Variants in SUPT5H observed in about 807,000 individuals in gnomAD.
SUPT5H encodes the protein SPT5 homolog, DSIF elongation factor subunit.
SUPT5H carries 24 observed loss-of-function variants against 142.5 expected under a neutral mutation model. The ratio of observed to expected loss-of-function variants is 0.17; its 90% CI spans 0.12 to 0.24. SUPT5H has a LOEUF of 0.24. Ranked by LOEUF, SUPT5H falls within the 10% of genes least tolerant of loss-of-function variation. The pLI, the probability that SUPT5H is intolerant of heterozygous loss-of-function variation, is 1.00. For synonymous variants in SUPT5H, 546 were observed against 553.0 expected (o/e 0.99, Z 0.18); for missense variants, 893 against 1,471.8 (o/e 0.61, Z 6.43).
intron 2 of SUPT5H, among the ~76,000 whole-genome samples, chr19:39,447,968 T>C (rs909123231): frequency 2.0e-5 from 3 of 152,214 alleles, no homozygotes; most frequent in African/African-American, 7.2e-5. Context: ...GAGGGAGATT[T>C]AACATAAAGA....
In SUPT5H at chr19:39,474,006, C is replaced by G. The variant is rs1446234403; in HGVS notation, c.2536C>G (p.Pro846Ala). The G allele has an allele frequency of 1.2e-6, 2 of 1,613,938 alleles. No individual in the cohort carries two copies. The highest frequency in any genetic ancestry group is 4.5e-5 in the East Asian group (2 of 44,886). ...GTATGCTTTCGATGATGAGCCCACC[C>G]CGTCCCCGCAGGCCTATGGGGGAAC... is the stretch of plus-strand genomic sequence containing the variant. ...YEYAFDDEPTPSPQAYGGTPN... is the reference protein window; with the variant it reads ...YEYAFDDEPTASPQAYGGTPN... The change falls in exon 26 of 30, where the codon CCG (proline) becomes GCG (alanine). Residue 846 changes from proline to alanine, a missense_variant. By Grantham distance (27) the Pro-to-Ala change is conservative. Coordinates refer to ENST00000432763, the MANE Select transcript of SUPT5H (RefSeq NM_001111020.3). The surrounding 1 kb of genome is among the most constrained non-coding windows in gnomAD (Gnocchi z 6.5).
In SUPT5H at chr19:39,466,644, C is replaced by T. The variant is rs1242809931; in HGVS notation, c.967-31C>T. The T allele has an allele frequency of 2.5e-6, 4 of 1,613,508 alleles. No individual in the cohort carries two copies. The highest frequency in any genetic ancestry group is 3.4e-6 in the Non-Finnish European group (4 of 1,179,414). ...ACTGGTGGCCAAGCCCCCTCCCTCA[C>T]CCTTCCCACCCATGCCCCTTTCCTC... On this transcript the variant is annotated intron_variant, in intron 12 of 29. Coordinates refer to ENST00000432763, the MANE Select transcript of SUPT5H (RefSeq NM_001111020.3). This position sits in a 1 kb window ranked among gnomAD's most constrained non-coding sequence, Gnocchi z 4.3.
chr19:39,446,131 A>G (rs2078950449), intron 2 of SUPT5H, among the ~76,000 whole-genome samples, 166 bp downstream of exon 2: 1 of 152,180 alleles, frequency 6.6e-6, no homozygotes, highest in Admixed American at 6.5e-5. Flanking sequence ...AAGCAAAGGG[A>G]CAGGTTCTGG....
intron 3 of SUPT5H, among the ~76,000 whole-genome samples, chr19:39,456,138 A>T (rs577812685): frequency 3.1e-4 from 47 of 151,582 alleles, no homozygotes; most frequent in African/African-American, 1.1e-3. Flanking sequence ...GCTGGTCTCG[A>T]ACTCCTGACC....
chr19:39,451,734 A>G (rs1005123450), intron 2 of SUPT5H, among the ~76,000 whole-genome samples: 2 of 151,988 alleles, frequency 1.3e-5, no homozygotes, highest in Non-Finnish European at 2.9e-5. Context: ...GTTTCACCAC[A>G]TTGGCTAGGC....
chr19:39,449,781 A>G (rs2078997929), intron 2 of SUPT5H, among the ~76,000 whole-genome samples: 1 of 151,632 alleles, frequency 6.6e-6, no homozygotes, highest in Non-Finnish European at 1.5e-5. Context: ...CTGGGATTAC[A>G]GCGGTGCGCC....
In SUPT5H at chr19:39,473,940, T is replaced by C; in HGVS notation, c.2493-23T>C. ...CATCGCATTATCACCACAGTCGCTG[T>C]CAACAGACTTTTCTCCCAACAGGGC... On this transcript the variant is annotated intron_variant, in intron 25 of 29. Transcript: ENST00000432763. This position sits in a 1 kb window ranked among gnomAD's most constrained non-coding sequence, Gnocchi z 5.8. 2 of 1,613,696 alleles carry C rather than the reference T, an allele frequency of 1.2e-6. No individual in the cohort carries two copies. Among genetic ancestry groups the C allele is most frequent in the Non-Finnish European group, 1.7e-6 (2 of 1,179,948 alleles).
Position 39,458,367 on chromosome 19 carries a change from CT to C in SUPT5H, c.319+63del. 1 of 1,605,654 alleles carries C rather than the reference CT, an allele frequency of 6.2e-7. No individual in the cohort carries two copies. Among genetic ancestry groups the C allele is most frequent in the East Asian group, 2.2e-5 (1 of 44,816 alleles). Reference sequence around the variant, plus strand: ...CCCATATCCTGACATTTCCTCCTTCCTGAGGCACCTGCCCTCACCGGTAGCC... The same window carrying C: ...CCCATATCCTGACATTTCCTCCTTCCGAGGCACCTGCCCTCACCGGTAGCC... On this transcript the variant is annotated intron_variant, in intron 5 of 29. Coordinates refer to ENST00000432763, the MANE Select transcript of SUPT5H (RefSeq NM_001111020.3). The surrounding 1 kb of genome is among the most constrained non-coding windows in gnomAD (Gnocchi z 4.2).
At chr19:39,456,766 C>G (rs2079096253) in intron 3 of SUPT5H, among the ~76,000 whole-genome samples, 1 of 152,040 alleles carries the variant, frequency 6.6e-6, no homozygotes, top group African/African-American at 2.4e-5. Flanking sequence ...ACTATGTTGC[C>G]CAGGCCGGTT....
rs756476690 is a variant in SUPT5H, at chr19:39,469,365, G to A, written c.1341G>A (p.Lys447=). ...AGATCCTCAGCGTGGATGGCAACAAGATCACCATCATGCCCAAGCATGAGG... is the reference window on the plus strand; with the variant it reads ...AGATCCTCAGCGTGGATGGCAACAAAATCACCATCATGCCCAAGCATGAGG... ...QGKILSVDGN[K]ITIMPKHEDL... Residue 447 remains lysine, a synonymous_variant, in exon 16 of 30, where the codon AAG becomes AAA. Transcript: ENST00000432763. The surrounding 1 kb of genome is among the most constrained non-coding windows in gnomAD (Gnocchi z 5.1). The A allele has an allele frequency of 4.3e-6, 7 of 1,614,258 alleles. No homozygotes were observed. In the Admixed American group the frequency reaches 1.2e-4, roughly 27 times the overall value.
At position 39,472,352 on chromosome 19, in the gene SUPT5H, G is replaced by C; in HGVS notation, c.1951-57G>C. 1.3e-6 allele frequency: 2 copies of C among 1,554,856 alleles called. No individual in the cohort carries two copies. Among genetic ancestry groups the C allele is most frequent in the Non-Finnish European group, 1.8e-6 (2 of 1,128,082 alleles). On this transcript the variant is annotated intron_variant, in intron 20 of 29. Transcript: ENST00000432763. This position sits in a 1 kb window ranked among gnomAD's most constrained non-coding sequence, Gnocchi z 4.2. ...CCTGCACGTGGGATGATGAGTTCCT[G>C]TGGTTTGTGGTTCCCCCATCCCCTG...
chr19:39,472,284 A>C lies in SUPT5H; in HGVS notation c.1951-125A>C. On this transcript the variant is annotated intron_variant, in intron 20 of 29. Coordinates refer to ENST00000432763, the MANE Select transcript of SUPT5H (RefSeq NM_001111020.3). This position sits in a 1 kb window ranked among gnomAD's most constrained non-coding sequence, Gnocchi z 4.2. The stretch of plus-strand genomic sequence containing the variant: ...GTGCAGGACCAGCTGTCACAGAGGA[A>C]TTCAGGCCTGGGGTGTGGGTGGCTG... The C allele has an allele frequency of 7.1e-6, 6 of 843,860 alleles. No individual in the cohort carries two copies. Among genetic ancestry groups the C allele is most frequent in the Non-Finnish European group, 1.2e-5 (6 of 508,998 alleles). 52.3% of individuals were successfully genotyped at this position (843,860 alleles called of 1,614,324 possible). A position where few individuals can be genotyped will look rare whatever the true frequency, so the allele number is the denominator to read the frequency against.
At position 39,474,982 on chromosome 19, in the gene SUPT5H, GGTGA is replaced by G; in HGVS notation, c.3024+271_3024+274del. ...GGAGTAAGCTAAGGAAAGTGACTGGGGTGAGTGAGTTCCAAATGGAGGGAACTGC... is the reference window on the plus strand; with the variant it reads ...GGAGTAAGCTAAGGAAAGTGACTGGGGTGAGTTCCAAATGGAGGGAACTGC... On this transcript the variant is annotated intron_variant, in intron 28 of 29. Coordinates refer to ENST00000432763, the MANE Select transcript of SUPT5H (RefSeq NM_001111020.3). This position sits in a 1 kb window ranked among gnomAD's most constrained non-coding sequence, Gnocchi z 6.5. The G allele has an allele frequency of 3.7e-6, 2 of 547,102 alleles. No homozygotes were observed. Among genetic ancestry groups the G allele is most frequent in the Middle Eastern group, 5.0e-4 (1 of 2,008 alleles). The allele number at this position is 547,102 out of a possible 1,614,324, so 33.9% of individuals were successfully genotyped here.
At chr19:39,457,452 G>A (rs1353765599) in intron 3 of SUPT5H, among the ~76,000 whole-genome samples, 1 of 152,126 alleles carries the variant, frequency 6.6e-6, no homozygotes, top group East Asian at 1.9e-4. Context: ...TAAGGAGAGG[G>A]GATGACTTTT....
intron 2 of SUPT5H, among the ~76,000 whole-genome samples, chr19:39,452,134 C>T (rs1447495431): frequency 1.3e-5 from 2 of 151,948 alleles, no homozygotes; most frequent in Non-Finnish European, 2.9e-5. Flanking sequence ...TGGTGCCTGT[C>T]GGTAATTGGA....
rs753563985 is a variant in SUPT5H at position 39,474,644 on chromosome 19, A to G, written c.2950A>G (p.Ile984Val). 6.2e-7 allele frequency: 1 copy of G among 1,614,172 alleles called. No homozygotes were observed. Among genetic ancestry groups the G allele is most frequent in the Non-Finnish European group, 8.5e-7 (1 of 1,180,036 alleles). The change falls in exon 28 of 30, where the codon ATT becomes GTT. Residue 984 changes from isoleucine (I) to valine (V), a missense_variant. Coordinates refer to ENST00000432763, the MANE Select transcript of SUPT5H (RefSeq NM_001111020.3). The surrounding 1 kb of genome is among the most constrained non-coding windows in gnomAD (Gnocchi z 6.5). Reference protein sequence around the residue: ...QNSSDWVTTDIQVKVRDTYLD... With the variant: ...QNSSDWVTTDVQVKVRDTYLD... ...CTCCAGCGACTGGGTAACCACTGAC[A>G]TTCAGGTGAAGGTGCGGGACACCTA... is the stretch of plus-strand genomic sequence containing the variant.
chr19:39,471,286 T>G (rs574458672), intron 18 of SUPT5H, 71 bp from the exon 19 acceptor site: 4 of 1,578,544 alleles, frequency 2.5e-6, no homozygotes, highest in East Asian at 4.5e-5. Context: ...TTATCCCACT[T>G]TAGGGAACCC....
chr19:39,473,489 C>G lies in SUPT5H; in HGVS notation c.2460C>G (p.Ala820=). 1 of 1,612,396 alleles carries G rather than the reference C, an allele frequency of 6.2e-7. No homozygotes were observed. The change falls in exon 25 of 30, where the codon GCC becomes GCG. Residue 820 remains alanine, a synonymous_variant. Coordinates refer to ENST00000432763, the MANE Select transcript of SUPT5H (RefSeq NM_001111020.3). This position sits in a 1 kb window ranked among gnomAD's most constrained non-coding sequence, Gnocchi z 5.8. The stretch of plus-strand genomic sequence containing the variant: ...GCCGCACTCCTGCCCAGAGTGGGGC[C>G]TGGGACCCCAACAACCCCAACACGC... ...DGSRTPAQSG[A]WDPNNPNTPS... is the part of the protein sequence containing the mutation.
chr19:39,459,671 C>T (rs1437874547), intron 9 of SUPT5H, 82 bp downstream of exon 9: 23 of 1,570,644 alleles, frequency 1.5e-5, no homozygotes, highest in African/African-American at 9.5e-5. Flanking sequence ...CTGTCTGTCC[C>T]GGGTCTCCGT....
Sources: gnomAD v4.1 joint callset for allele counts (sites outside exome capture counted in the v4.1 genomes callset) on GRCh38, gnomAD v4.1.1 for gene constraint, Gnocchi (gnomAD v3.1) non-coding constraint, MANE v1.5 for transcripts, NCBI Gene and HGNC (gene_info 2026-07-23, HGNC 2026-07-21) for gene names.